IVNS1ABP: variants seen among roughly 807,000 people sequenced by gnomAD.
IVNS1ABP encodes the protein influenza virus NS1A-binding protein.
A neutral mutation model predicts 78.9 loss-of-function variants in IVNS1ABP; 25 were observed. That is an observed-to-expected ratio of 0.32 (90% CI 0.23 to 0.44). The LOEUF (loss-of-function observed/expected upper bound fraction) is 0.44, where lower values mean the gene tolerates loss of function less well. Among genes scored for constraint, IVNS1ABP ranks in the 20% least tolerant of loss-of-function variants. The probability of loss-of-function intolerance (pLI) is 1.00; values close to 1 mark genes in which losing one functional copy is unlikely to be tolerated. For synonymous variants in IVNS1ABP, 241 were observed against 259.7 expected, an observed-to-expected ratio of 0.93 and a Z score of 0.69; for missense variants, 494 against 768.9, an observed-to-expected ratio of 0.64 and a Z score of 4.23.
intron 9 of IVNS1ABP, 79 bp from the exon 10 acceptor site, chr1:185,301,275 T>A: frequency 7.1e-7 from 1 of 1,414,670 alleles, no homozygotes; most frequent in Non-Finnish European, 9.8e-7. Flanking sequence ...TGGACTCCAG[T>A]CTCCACATCC....
chr1:185,300,784 T>C (rs10798006), intron 10 of IVNS1ABP, 188 bp downstream of exon 10: 321,217 of 684,024 alleles, frequency 0.47, 79,039 homozygotes, highest in African/African-American at 0.77. Flanking sequence ...AATTTAGCCA[T>C]GACATAATTT....
intron 5 of IVNS1ABP, chr1:185,307,972 G>A (rs1393793606): frequency 1.3e-6 from 2 of 1,549,860 alleles, no homozygotes; most frequent in Non-Finnish European, 1.7e-6. Context: ...GGGCTCTACA[G>A]GAGAGATGAT....
Position 185,300,948 on chromosome 1 carries a change from C to T in IVNS1ABP, c.1120+24G>A, listed in dbSNP as rs766173122. ...CAAAAATGCCCATCTACATGCTTAG[C>T]CAGTTGAATGCTTCTGTTCTTACCT... On this transcript the variant is annotated intron_variant, in intron 10 of 14. Transcript: ENST00000367498. The T allele has an allele frequency of 2.5e-6, 4 of 1,588,924 alleles. No homozygotes were observed. In the South Asian group the frequency reaches 3.3e-5, roughly 13 times the overall value.
Position 185,305,824 on chromosome 1 carries a change from C to G in IVNS1ABP, c.658-181G>C. The G allele has an allele frequency of 1.5e-6, 1 of 667,248 alleles. No homozygotes were observed. Among genetic ancestry groups the G allele is most frequent in the Non-Finnish European group, 2.3e-6 (1 of 431,238 alleles). 41.3% of individuals were successfully genotyped at this position (667,248 alleles called of 1,614,324 possible). ...TGTCATGGTGGTAAAAATTAAAAAA[C>G]AAAAACAAAAAACCAAAATCAAATA... On this transcript the variant is annotated intron_variant, in intron 7 of 14. Transcript: ENST00000367498. The surrounding 1 kb of genome is among the most constrained non-coding windows in gnomAD (Gnocchi z 4.0).
chr1:185,306,496 C>A, intron 7 of IVNS1ABP: 2 of 1,289,508 alleles, frequency 1.6e-6, no homozygotes, highest in Non-Finnish European at 2.0e-6. Flanking sequence ...ATTAAATCAT[C>A]ATCGTTCTCT....
intron 5 of IVNS1ABP, 142 bp from the exon 6 acceptor site, chr1:185,307,804 T>C: frequency 2.5e-6 from 3 of 1,186,152 alleles, no homozygotes; most frequent in Non-Finnish European, 3.5e-6. Context: ...ATAGTGGTAA[T>C]AACACGTATA....
rs1053677418 is a variant in IVNS1ABP, at chr1:185,315,934, C to T, written c.-247+1019G>A. 1.8e-4 allele frequency among the ~76,000 whole-genome samples: 28 copies of T among 152,224 alleles called. 1 individual carries two copies. Among genetic ancestry groups the T allele is most frequent in the Admixed American group, 1.4e-3 (21 of 15,306 alleles). On this transcript the variant is annotated intron_variant, in intron 1 of 14. Transcript: ENST00000367498. ...TGCACGCTCCATCACAAAAATGCGC[C>T]CTTTTGGACATCTGATTTCTCCTTG...
chr1:185,301,397 TAAG>T, intron 9 of IVNS1ABP, 34 bp downstream of exon 9: 2 of 1,608,378 alleles, frequency 1.2e-6, no homozygotes. Context: ...TAAAAATAGG[TAAG>T]CTGAAAACAA....
At chr1:185,301,646 T>C in intron 8 of IVNS1ABP, 83 bp from the exon 9 acceptor site, 1 of 1,443,254 alleles carries the variant, frequency 6.9e-7, no homozygotes, top group Non-Finnish European at 9.6e-7. Context: ...TCCACAACAC[T>C]GAGTATCCTT....
chr1:185,305,250 A>G lies in IVNS1ABP; in HGVS notation c.765+286T>C, dbSNP rs772532231. On this transcript the variant is annotated intron_variant, in intron 8 of 14. Coordinates refer to ENST00000367498, the MANE Select transcript of IVNS1ABP (RefSeq NM_006469.5). This position sits in a 1 kb window ranked among gnomAD's most constrained non-coding sequence, Gnocchi z 4.0. ...CTGACACAAACAACTGCTTTTCATAATCTTCCCAAATAATTTCTATATTGT... is the reference window on the plus strand; with the variant it reads ...CTGACACAAACAACTGCTTTTCATAGTCTTCCCAAATAATTTCTATATTGT... 1.3e-5 allele frequency among the ~76,000 whole-genome samples: 2 copies of G among 152,148 alleles called. No homozygotes were observed. Among genetic ancestry groups the G allele is most frequent in the African/African-American group, 2.4e-5 (1 of 41,432 alleles).
At position 185,301,569 on chromosome 1, in the gene IVNS1ABP, A is replaced by G. The variant is rs1398596151; in HGVS notation, c.766-6T>C. On this transcript the variant is annotated splice_polypyrimidine_tract_variant and splice_region_variant and intron_variant, in intron 8 of 14. Transcript: ENST00000367498. ...TTCTCACGTGGTGGCTTTTTCTGCAAAATCAAAAGGTAGCTACAGAAACCT... is the reference window on the plus strand; with the variant it reads ...TTCTCACGTGGTGGCTTTTTCTGCAGAATCAAAAGGTAGCTACAGAAACCT... 2 of 1,612,532 alleles carry G rather than the reference A, an allele frequency of 1.2e-6. No homozygotes were observed. The highest frequency in any genetic ancestry group is 1.7e-6 in the Non-Finnish European group (2 of 1,179,012).
chr1:185,311,572 CTA>C (rs1383347424), intron 1 of IVNS1ABP, among the ~76,000 whole-genome samples: 1 of 150,214 alleles, frequency 6.7e-6, no homozygotes, highest in Non-Finnish European at 1.5e-5. Context: ...GGCTAATGAC[CTA>C]TGTTTATGAG....
Position 185,297,083 on chromosome 1 carries a change from A to G in IVNS1ABP, c.*952T>C, listed in dbSNP as rs1665439272. ...AAAACATAGTTCTGATAAAACCTGC[A>G]TTCACAACCTAATGTAGTTTAAAGT... On this transcript the variant is annotated 3_prime_UTR_variant, in exon 15 of 15. Coordinates refer to ENST00000367498, the MANE Select transcript of IVNS1ABP (RefSeq NM_006469.5). 1 of 152,192 alleles carries G rather than the reference A, an allele frequency of 6.6e-6. No homozygotes were observed. Among genetic ancestry groups the G allele is most frequent in the African/African-American group, 2.4e-5 (1 of 41,446 alleles). The allele number at this position is 152,192 out of a possible 1,614,324, so 9.4% of individuals were successfully genotyped here.
chr1:185,310,133 AT>A (rs1422018690), intron 2 of IVNS1ABP, among the ~76,000 whole-genome samples: 9 of 152,218 alleles, frequency 5.9e-5, no homozygotes, highest in African/African-American at 2.2e-4. Context: ...ATTTTTATAA[AT>A]GTTTTGAAAC....
intron 11 of IVNS1ABP, 40 bp from the exon 12 acceptor site, chr1:185,300,383 A>G: frequency 6.2e-7 from 1 of 1,613,402 alleles, no homozygotes; most frequent in Non-Finnish European, 8.5e-7. Flanking sequence ...TAACATCCTG[A>G]AGTTACGAGG....
At position 185,300,294 on chromosome 1, in the gene IVNS1ABP, C is replaced by T. The variant is rs1357048166; in HGVS notation, c.1292G>A (p.Ser431Asn). 6.2e-7 allele frequency: 1 copy of T among 1,613,470 alleles called. No homozygotes were observed. Among genetic ancestry groups the T allele is most frequent in the South Asian group, 1.1e-5 (1 of 91,066 alleles). ...GTTTGAATCATACATCTCTCCACAA[C>T]TCAGGTCATCTGAGTGGCCATTTGA... Reference protein sequence around the residue: ...GGSNGHSDDLSCGEMYDSNID... With the variant: ...GGSNGHSDDLNCGEMYDSNID... Residue 431 changes from serine to asparagine, a missense_variant, in exon 12 of 15, where the codon AGT (serine) becomes AAT (asparagine). Transcript: ENST00000367498.
rs1665593730 is a variant in IVNS1ABP, at chr1:185,301,368, A to G, written c.895+66T>C. 22 of 1,575,436 alleles carry G rather than the reference A, an allele frequency of 1.4e-5. No homozygotes were observed. In the South Asian group the frequency reaches 2.1e-4, roughly 15 times the overall value. On this transcript the variant is annotated intron_variant, in intron 9 of 14. Transcript: ENST00000367498. Reference sequence around the variant, plus strand: ...CGAGTAGTCAATTTAAGAGGTATTAAATTGGCAACACTCCTTCTTAAAAAT... The same window carrying G: ...CGAGTAGTCAATTTAAGAGGTATTAGATTGGCAACACTCCTTCTTAAAAAT...
intron 5 of IVNS1ABP, among the ~76,000 whole-genome samples, chr1:185,308,284 T>A (rs1665791562): frequency 6.6e-6 from 1 of 152,166 alleles, no homozygotes; most frequent in South Asian, 2.1e-4. Context: ...TGGAAAGCAG[T>A]GTAGACCATA....
At chr1:185,316,821 G>C (rs1277328428) in intron 1 of IVNS1ABP, 132 bp downstream of exon 1, 4 of 392,988 alleles carry the variant, frequency 1.0e-5, no homozygotes, top group Admixed American at 4.4e-5. Context: ...GCCGCTTGGG[G>C]CTGCCTCCCC....
Sources: allele counts gnomAD v4.1 joint callset (sites outside exome capture counted in the v4.1 genomes callset), GRCh38; gene constraint gnomAD v4.1.1; non-coding constraint Gnocchi (gnomAD v3.1); transcripts MANE v1.5; gene names NCBI Gene and HGNC (gene_info 2026-07-23, HGNC 2026-07-21).